BABAM2: variants seen among roughly 807,000 people sequenced by gnomAD.
BABAM2 encodes the protein BRISC and BRCA1-A complex member 2.
BABAM2 carries 31 observed loss-of-function variants against 54.7 expected under a neutral mutation model. The observed-to-expected ratio is 0.57, with a 90% CI of 0.43 to 0.77. The LOEUF (loss-of-function observed/expected upper bound fraction) is 0.77. Among genes scored for constraint, BABAM2 ranks in the 30% least tolerant of loss-of-function variants. The pLI, the probability that BABAM2 is intolerant of heterozygous loss-of-function variation, is 0.00. For missense variants in BABAM2, 364 were observed against 455.8 expected (o/e 0.80, Z 1.83); for synonymous variants, 167 against 162.9 (o/e 1.03, Z -0.19).
At chr2:28,287,974 C>A (rs1313528870) in intron 10 of BABAM2, among the ~76,000 whole-genome samples, 1 of 152,140 alleles carries the variant, frequency 6.6e-6, no homozygotes, top group Admixed American at 6.5e-5. Flanking sequence ...GCACTTGGGA[C>A]AGGAGGGGTT....
At chr2:28,260,299 CTTTTTTTTTTTT>C (rs965855673) in intron 10 of BABAM2, among the ~76,000 whole-genome samples, 1 of 120,426 alleles carries the variant, frequency 8.3e-6, no homozygotes, top group African/African-American at 3.1e-5. Flanking sequence ...TATTTCTTTT[CTTTTTTTTTTTT>C]TTTTTTTTGA....
chr2:28,200,528 G>C (rs1374691865), intron 7 of BABAM2, among the ~76,000 whole-genome samples: 1 of 152,214 alleles, frequency 6.6e-6, no homozygotes, highest in Non-Finnish European at 1.5e-5. Context: ...GGGGTAAAGT[G>C]CATATTAGTA....
chr2:28,305,234 TC>T (rs1688424199), intron 11 of BABAM2, among the ~76,000 whole-genome samples: 1 of 152,208 alleles, frequency 6.6e-6, no homozygotes, highest in Admixed American at 6.5e-5. Flanking sequence ...TTTCTTTTTT[TC>T]TTTTTTTATC....
At chr2:28,292,994 A>G (rs1335718812) in intron 10 of BABAM2, among the ~76,000 whole-genome samples, 1 of 152,194 alleles carries the variant, frequency 6.6e-6, no homozygotes, top group Non-Finnish European at 1.5e-5. Context: ...GCTGGGATGT[A>G]TGGAGCTTTT....
At chr2:28,149,299 CT>C (rs1189645040) in intron 7 of BABAM2, among the ~76,000 whole-genome samples, 1 of 152,150 alleles carries the variant, frequency 6.6e-6, no homozygotes, top group Non-Finnish European at 1.5e-5. Context: ...GTGTTACTTC[CT>C]TGGAACCTTC....
intron 6 of BABAM2, among the ~76,000 whole-genome samples, chr2:28,075,131 G>A (rs1411889416): frequency 6.6e-6 from 1 of 152,110 alleles, no homozygotes; most frequent in East Asian, 1.9e-4. Context: ...TGTTGCCCTT[G>A]CCTGCCTCCG....
chr2:27,907,253 A>G (rs1573134960), intron 2 of BABAM2, among the ~76,000 whole-genome samples: 1 of 149,962 alleles, frequency 6.7e-6, no homozygotes, highest in Admixed American at 6.6e-5. Flanking sequence ...TGAAAAATAC[A>G]TCTTTTTTTT....
intron 7 of BABAM2, among the ~76,000 whole-genome samples, chr2:28,217,077 C>T (rs1422434854): frequency 6.6e-6 from 1 of 152,188 alleles, no homozygotes; most frequent in African/African-American, 2.4e-5. Context: ...CGTCTGCCCT[C>T]ATCCATTGTC....
chr2:28,125,493 G>A (rs12619936), intron 6 of BABAM2, among the ~76,000 whole-genome samples: 13,195 of 151,928 alleles, frequency 0.087, 634 homozygotes, highest in East Asian at 0.15. Context: ...GGGGTTTACC[G>A]TGTTGGCCAG....
intron 7 of BABAM2, among the ~76,000 whole-genome samples, chr2:28,157,084 TA>T (rs1385128316): frequency 1.3e-5 from 2 of 152,362 alleles, no homozygotes; most frequent in East Asian, 3.9e-4. Flanking sequence ...CTTTTTTCCT[TA>T]TGAAAATAAT....
At chr2:28,231,238 A>C (rs1350061555) in intron 7 of BABAM2, among the ~76,000 whole-genome samples, 1 of 152,136 alleles carries the variant, frequency 6.6e-6, no homozygotes, top group Non-Finnish European at 1.5e-5. Flanking sequence ...AATAAATAAC[A>C]GTGAGTTGTT....
chr2:28,104,186 A>T (rs1667310333), intron 6 of BABAM2, among the ~76,000 whole-genome samples: 1 of 152,238 alleles, frequency 6.6e-6, no homozygotes. Context: ...GCCAAAATTG[A>T]CAAATGGGAT....
At chr2:28,185,685 G>T (rs1676202180) in intron 7 of BABAM2, among the ~76,000 whole-genome samples, 1 of 151,926 alleles carries the variant, frequency 6.6e-6, no homozygotes, top group Non-Finnish European at 1.5e-5. Context: ...CAAGTTACCT[G>T]GATCACCACA....
intron 10 of BABAM2, among the ~76,000 whole-genome samples, chr2:28,260,048 A>G (rs946308464): frequency 2.0e-5 from 3 of 151,754 alleles, no homozygotes; most frequent in Non-Finnish European, 2.9e-5. Context: ...TTACAGGCAC[A>G]TGCCACCATG....
At chr2:28,224,195 CTG>C (rs1680665025) in intron 7 of BABAM2, among the ~76,000 whole-genome samples, 1 of 152,196 alleles carries the variant, frequency 6.6e-6, no homozygotes, top group Non-Finnish European at 1.5e-5. Flanking sequence ...CTACCTGTAA[CTG>C]ATGTTTTCAT....
intron 6 of BABAM2, among the ~76,000 whole-genome samples, chr2:28,072,967 A>G (rs1664306458): frequency 6.6e-6 from 1 of 152,200 alleles, no homozygotes; most frequent in South Asian, 2.1e-4. Context: ...AACAAATTCC[A>G]TACATTTAAA....
chr2:28,081,444 CA>C (rs928823208), intron 6 of BABAM2, among the ~76,000 whole-genome samples: 1 of 152,202 alleles, frequency 6.6e-6, no homozygotes, highest in Non-Finnish European at 1.5e-5. Context: ...TTCTGTGAAT[CA>C]AATTACTTGG....
chr2:28,158,215 T>G (rs1376212767), intron 7 of BABAM2, among the ~76,000 whole-genome samples: 2 of 152,102 alleles, frequency 1.3e-5, no homozygotes, highest in African/African-American at 2.4e-5. Flanking sequence ...CATAGAACAA[T>G]GTTCACCCTC....
intron 11 of BABAM2, chr2:28,308,048 G>A (rs934032687): frequency 2.8e-5 from 5 of 180,228 alleles, no homozygotes; most frequent in Non-Finnish European, 5.8e-5. Flanking sequence ...TTCTTAGTAG[G>A]CCTCATACAG....
Sources: allele counts gnomAD v4.1 joint callset (sites outside exome capture counted in the v4.1 genomes callset), GRCh38; gene constraint gnomAD v4.1.1; transcripts MANE v1.5; gene names NCBI Gene and HGNC (gene_info 2026-07-23, HGNC 2026-07-21).